HPSE2: variants seen among roughly 807,000 people sequenced by gnomAD.
HPSE2 encodes the protein inactive heparanase-2.
In HPSE2, 38 loss-of-function variants were observed where a neutral mutation model predicts 60.5. The ratio of observed to expected loss-of-function variants is 0.63; its 90% CI spans 0.48 to 0.82. HPSE2 has a LOEUF of 0.82. HPSE2 is among the 40% of genes least tolerant of loss of function. The probability of loss-of-function intolerance (pLI) is 0.00; values close to 1 mark genes in which losing one functional copy is unlikely to be tolerated. For missense variants in HPSE2, 713 were observed against 740.4 expected (o/e 0.96, Z 0.43); for synonymous variants, 295 against 293.2 (o/e 1.01, Z -0.06).
chr10:98,508,066 T>A (rs1419239926), intron 9 of HPSE2, among the ~76,000 whole-genome samples: 3 of 151,984 alleles, frequency 2.0e-5, no homozygotes, highest in African/African-American at 7.3e-5. Context: ...TTTTTAAATG[T>A]CTATAATAAA....
rs1049400522 is a variant in HPSE2 at position 98,492,476 on chromosome 10, T to C, written c.1321-2280A>G. Among the ~76,000 whole-genome samples the C allele has an allele frequency of 1.2e-4, 16 of 131,754 alleles. 1 individual carries two copies. The highest frequency in any genetic ancestry group is 1.7e-4 in the Non-Finnish European group (11 of 64,858). 86.4% of individuals were successfully genotyped at this position (131,754 alleles called of 152,430 possible). ...GAGATTGCGCCACTGCACTCCAGCC[T>C]GGGCAACAGAACGAGATTCCGTCTC... On this transcript the variant is annotated intron_variant, in intron 9 of 11. Transcript: ENST00000370552.
intron 5 of HPSE2, among the ~76,000 whole-genome samples, chr10:98,694,590 G>A (rs963825440): frequency 7.9e-5 from 12 of 152,264 alleles, no homozygotes; most frequent in South Asian, 2.1e-4. Context: ...ACTTGGTTCC[G>A]TGCAGTTAAG....
At chr10:98,533,411 T>C (rs1263986456) in intron 9 of HPSE2, among the ~76,000 whole-genome samples, 2 of 152,220 alleles carry the variant, frequency 1.3e-5, no homozygotes, top group Non-Finnish European at 2.9e-5. Context: ...GAACACAGTG[T>C]TTATGTTTCG....
chr10:98,590,385 C>T (rs558390601), intron 9 of HPSE2, among the ~76,000 whole-genome samples: 28 of 152,276 alleles, frequency 1.8e-4, no homozygotes, highest in African/African-American at 5.5e-4. Context: ...GAGCTTGCAC[C>T]GGAGCCAAGA....
chr10:99,181,170 G>A (rs1391956114), intron 2 of HPSE2, among the ~76,000 whole-genome samples: 4 of 151,164 alleles, frequency 2.6e-5, no homozygotes, highest in Non-Finnish European at 5.9e-5. Context: ...AGGCCGAGGC[G>A]GGCGGATCAC....
chr10:98,932,472 T>C (rs1954667259), intron 3 of HPSE2, among the ~76,000 whole-genome samples: 5 of 144,238 alleles, frequency 3.5e-5, no homozygotes, highest in Admixed American at 3.4e-4. Context: ...ATCAGGATGA[T>C]GCTGGCCTCA....
the HPSE2 span, among the ~76,000 whole-genome samples, chr10:99,268,240 C>T: frequency 1.4e-3 from 207 of 152,284 alleles, 1 homozygote; most frequent in Admixed American, 0.01. Flanking sequence ...TTTCAACAAA[C>T]AAATGATGAG....
intron 3 of HPSE2, among the ~76,000 whole-genome samples, chr10:98,877,239 A>G (rs1952902547): frequency 6.6e-6 from 1 of 151,882 alleles, no homozygotes; most frequent in Admixed American, 6.6e-5. Flanking sequence ...AGTAGCACAT[A>G]TTAGCTTGGG....
chr10:98,860,581 G>A lies in HPSE2; in HGVS notation c.611-116525C>T, dbSNP rs149711025. 3.0e-3 allele frequency among the ~76,000 whole-genome samples: 463 copies of A among 152,206 alleles called. 6 individuals are homozygous for A. The highest frequency in any genetic ancestry group is 0.014 in the Middle Eastern group (4 of 292). On this transcript the variant is annotated intron_variant, in intron 3 of 11. Coordinates refer to ENST00000370552, the MANE Select transcript of HPSE2 (RefSeq NM_021828.5). ...CTATTAATATGCCCATTTACAGATGGGGAAACTGAAACGCAGACTTGCTCC... is the reference window on the plus strand; with the variant it reads ...CTATTAATATGCCCATTTACAGATGAGGAAACTGAAACGCAGACTTGCTCC...
At chr10:99,032,833 C>G (rs1957528002) in intron 3 of HPSE2, among the ~76,000 whole-genome samples, 1 of 152,186 alleles carries the variant, frequency 6.6e-6, no homozygotes. Flanking sequence ...AAGCCAGCAA[C>G]AAGTCAAGTC....
At chr10:99,177,660 C>T (rs1220532978) in intron 2 of HPSE2, among the ~76,000 whole-genome samples, 1 of 152,134 alleles carries the variant, frequency 6.6e-6, no homozygotes, top group Non-Finnish European at 1.5e-5. Context: ...TGGACTCCCA[C>T]ATGATAATAG....
At chr10:99,057,933 T>C (rs923247662) in intron 3 of HPSE2, among the ~76,000 whole-genome samples, 3 of 152,056 alleles carry the variant, frequency 2.0e-5, no homozygotes, top group Non-Finnish European at 4.4e-5. Context: ...AAAACAGATG[T>C]CTTCCAATTT....
intron 4 of HPSE2, among the ~76,000 whole-genome samples, chr10:98,728,519 G>A (rs1215426936): frequency 1.3e-5 from 2 of 152,072 alleles, no homozygotes; most frequent in South Asian, 2.1e-4. Flanking sequence ...TCAGGATGTT[G>A]AGGCAGGAGA....
chr10:98,835,910 C>G (rs529527770), intron 3 of HPSE2, among the ~76,000 whole-genome samples: 1 of 152,082 alleles, frequency 6.6e-6, no homozygotes, highest in African/African-American at 2.4e-5. Context: ...CCCAACAAAT[C>G]AAACCAAACC....
At chr10:99,208,843 G>C (rs1047872599) in intron 2 of HPSE2, among the ~76,000 whole-genome samples, 3 of 152,134 alleles carry the variant, frequency 2.0e-5, no homozygotes, top group Admixed American at 2.0e-4. Flanking sequence ...GAAACCAAAA[G>C]AGAAGAGGGG....
At chr10:99,308,433 G>GCAA in the HPSE2 span, among the ~76,000 whole-genome samples, 1 of 118,280 alleles carries the variant, frequency 8.5e-6, no homozygotes, top group Non-Finnish European at 1.8e-5. Context: ...AATGAAATAA[G>GCAA]CAAACTGTGG....
chr10:98,606,676 A>G (rs1272773776), intron 9 of HPSE2, among the ~76,000 whole-genome samples: 1 of 150,772 alleles, frequency 6.6e-6, no homozygotes, highest in African/African-American at 2.5e-5. Context: ...ATTGAAAGTT[A>G]GTAAGTGAGG....
At chr10:98,771,661 T>C (rs747274059) in intron 3 of HPSE2, among the ~76,000 whole-genome samples, 1 of 152,202 alleles carries the variant, frequency 6.6e-6, no homozygotes, top group Non-Finnish European at 1.5e-5. Flanking sequence ...TTGAAAGAGC[T>C]TGATCAAGGG....
At chr10:99,030,586 T>A (rs927038254) in intron 3 of HPSE2, among the ~76,000 whole-genome samples, 3 of 152,134 alleles carry the variant, frequency 2.0e-5, no homozygotes, top group African/African-American at 7.2e-5. Flanking sequence ...GTTTGGAGGT[T>A]CCTCAAAAAA....
Sources: gnomAD v4.1 joint callset for allele counts (sites outside exome capture counted in the v4.1 genomes callset) on GRCh38, gnomAD v4.1.1 for gene constraint, MANE v1.5 for transcripts, NCBI Gene and HGNC (gene_info 2026-07-23, HGNC 2026-07-21) for gene names.